Variants in PRIMA1 observed in about 807,000 individuals in gnomAD.
PRIMA1 encodes the protein proline rich membrane anchor 1, also known as proline-rich membrane anchor 1.
PRIMA1 carries 7 observed loss-of-function variants against 17.5 expected under a neutral mutation model. The observed-to-expected ratio is 0.40, with a 90% CI of 0.23 to 0.75. The LOEUF is 0.75. Ranked by LOEUF, PRIMA1 falls within the 30% of genes least tolerant of loss-of-function variation. The pLI is 0.37. For synonymous variants in PRIMA1, 97 were observed against 77.9 expected (o/e 1.25, Z -1.29); for missense variants, 200 against 201.8 (o/e 0.99, Z 0.05).
intron 3 of PRIMA1, among the ~76,000 whole-genome samples, chr14:93,750,765 T>C (rs2076254684): frequency 1.3e-5 from 2 of 152,162 alleles, no homozygotes; most frequent in Non-Finnish European, 2.9e-5. Context: ...ACCACAAATT[T>C]GTATTTTGCA....
chr14:93,721,559 G>T lies in PRIMA1; in HGVS notation c.360-13C>A. The stretch of plus-strand genomic sequence containing the variant: ...TCTCAGTGGTTTCCTGGAAGTGGGG[G>T]GAGGGGACAGGAAAGGCAAAGGAGG... On this transcript the variant is annotated splice_polypyrimidine_tract_variant and intron_variant, in intron 4 of 4. Transcript: ENST00000393140. 6.4e-7 allele frequency: 1 copy of T among 1,571,584 alleles called. No individual in the cohort carries two copies. Among genetic ancestry groups the T allele is most frequent in the Non-Finnish European group, 8.8e-7 (1 of 1,142,304 alleles).
intron 3 of PRIMA1, among the ~76,000 whole-genome samples, chr14:93,756,558 C>T (rs988271500): frequency 7.2e-5 from 11 of 152,042 alleles, no homozygotes; most frequent in African/African-American, 1.9e-4. Flanking sequence ...CCGGCCCTAT[C>T]GATGCTCTTC....
intron 3 of PRIMA1, among the ~76,000 whole-genome samples, chr14:93,752,420 C>A (rs1292408110): frequency 2.0e-5 from 3 of 152,214 alleles, no homozygotes. Flanking sequence ...TCCAACCCCA[C>A]GCGGGGCCCC....
chr14:93,736,594 C>T (rs1193475784), intron 4 of PRIMA1, among the ~76,000 whole-genome samples: 2 of 152,236 alleles, frequency 1.3e-5, no homozygotes, highest in African/African-American at 4.8e-5. Context: ...GGTGTCCTCC[C>T]TCCTGTGCCC....
chr14:93,775,871 C>G (rs117765008), intron 3 of PRIMA1, among the ~76,000 whole-genome samples: 14 of 152,216 alleles, frequency 9.2e-5, no homozygotes, highest in Non-Finnish European at 1.6e-4. Context: ...GAGCCTCTAT[C>G]CACACATCCC....
rs544567883 is a variant in PRIMA1 at position 93,756,544 on chromosome 14, C to T, written c.230-19174G>A. Among the ~76,000 whole-genome samples, 28 of 152,292 alleles carry T rather than the reference C, an allele frequency of 1.8e-4. No individual in the cohort carries two copies. The East Asian group carries it at 4.6e-3, about 25-fold the overall frequency. ...AGCTCCTGGCCCCGGACCCCGACCC[C>T]GCCCCGGCCCTATCGATGCTCTTCC... is the stretch of plus-strand genomic sequence containing the variant. On this transcript the variant is annotated intron_variant, in intron 3 of 4. Transcript: ENST00000393140.
chr14:93,731,967 T>A lies in PRIMA1; in HGVS notation c.359+5274A>T, dbSNP rs147967202. On this transcript the variant is annotated intron_variant, in intron 4 of 4. Transcript: ENST00000393140. ...AGCAATAAGTGGTGCTTAGGCACAA[T>A]CACGCACACTCAAGCCCACATCCAG... 2.6e-5 allele frequency among the ~76,000 whole-genome samples: 4 copies of A among 152,298 alleles called. No homozygotes were observed. The East Asian group carries it at 7.7e-4, about 29-fold the overall frequency.
At chr14:93,762,414 C>T (rs986828333) in intron 3 of PRIMA1, among the ~76,000 whole-genome samples, 3 of 151,998 alleles carry the variant, frequency 2.0e-5, no homozygotes, top group Admixed American at 2.0e-4. Flanking sequence ...CAGCACAGCC[C>T]CCCACCCCCC....
At chr14:93,732,559 G>A (rs1389404512) in intron 4 of PRIMA1, among the ~76,000 whole-genome samples, 2 of 152,212 alleles carry the variant, frequency 1.3e-5, no homozygotes, top group East Asian at 3.9e-4. Flanking sequence ...GAAAAGGTAT[G>A]TGCAGCATGG....
intron 3 of PRIMA1, among the ~76,000 whole-genome samples, chr14:93,776,218 G>A (rs1200286006): frequency 6.6e-6 from 1 of 152,158 alleles, no homozygotes; most frequent in Admixed American, 6.5e-5. Flanking sequence ...CTGCTGCCTG[G>A]ATATCCTGAT....
At chr14:93,721,756 T>C (rs1309828330) in intron 4 of PRIMA1, among the ~76,000 whole-genome samples, 2 of 152,102 alleles carry the variant, frequency 1.3e-5, no homozygotes, top group East Asian at 3.9e-4. Flanking sequence ...TTAACTCGGG[T>C]GTCATGAAAA....
intron 2 of PRIMA1, among the ~76,000 whole-genome samples, chr14:93,780,176 C>T (rs560814595): frequency 1.1e-4 from 17 of 152,366 alleles, no homozygotes; most frequent in African/African-American, 2.9e-4. Context: ...TACCCTGCTA[C>T]GCCCCTGACT....
chr14:93,783,454 G>C (rs1885438920), intron 2 of PRIMA1, among the ~76,000 whole-genome samples: 1 of 152,218 alleles, frequency 6.6e-6, no homozygotes, highest in South Asian at 2.1e-4. Flanking sequence ...GATTGGCAGT[G>C]TTGTATTTAG....
intron 3 of PRIMA1, among the ~76,000 whole-genome samples, chr14:93,762,356 C>A (rs1311870357): frequency 6.6e-6 from 1 of 152,148 alleles, no homozygotes; most frequent in East Asian, 1.9e-4. Context: ...GGAGCTGTTG[C>A]TCGGTGGGTT....
intron 3 of PRIMA1, among the ~76,000 whole-genome samples, chr14:93,764,776 G>C (rs1884839896): frequency 6.6e-6 from 1 of 152,174 alleles, no homozygotes; most frequent in African/African-American, 2.4e-5. Flanking sequence ...GTGTGAGCAG[G>C]TGTCAGGTCA....
intron 3 of PRIMA1, among the ~76,000 whole-genome samples, chr14:93,740,300 G>T (rs527876072): frequency 6.6e-6 from 1 of 152,316 alleles, no homozygotes; most frequent in East Asian, 1.9e-4. Context: ...GGCTTTCTTG[G>T]TGAAATATCA....
intron 2 of PRIMA1, among the ~76,000 whole-genome samples, chr14:93,785,845 G>A (rs1001420703): frequency 5.3e-5 from 8 of 151,796 alleles, no homozygotes; most frequent in Non-Finnish European, 8.8e-5. Flanking sequence ...TTGAGTGAGA[G>A]CATCTGAAAT....
chr14:93,768,520 T>A (rs1020042523), intron 3 of PRIMA1, among the ~76,000 whole-genome samples: 27 of 152,246 alleles, frequency 1.8e-4, no homozygotes, highest in African/African-American at 6.5e-4. Context: ...AGCCCCCAGG[T>A]GTTGTCAACA....
chr14:93,781,503 G>C (rs753101216), intron 2 of PRIMA1, among the ~76,000 whole-genome samples: 5 of 152,190 alleles, frequency 3.3e-5, no homozygotes, highest in Non-Finnish European at 2.9e-5. Flanking sequence ...CAATCTCCAA[G>C]GTGCAATCTA....
Sources: allele counts gnomAD v4.1 joint callset (sites outside exome capture counted in the v4.1 genomes callset), GRCh38; gene constraint gnomAD v4.1.1; transcripts MANE v1.5; gene names NCBI Gene and HGNC (gene_info 2026-07-23, HGNC 2026-07-21).